MSN: variants seen among roughly 807,000 people sequenced by gnomAD.
MSN encodes epididymis luminal protein 70.
MSN carries 2 observed loss-of-function variants against 48.0 expected under a neutral mutation model. The ratio of observed to expected loss-of-function variants is 0.04; its 90% CI spans 0.02 to 0.13. The LOEUF is 0.13. Among genes scored for constraint, MSN ranks in the 10% least tolerant of loss-of-function variants. The pLI is 1.00. For synonymous variants in MSN, 146 were observed against 166.9 expected (o/e 0.87, Z 0.97); for missense variants, 267 against 470.1 (o/e 0.57, Z 3.99).
At chrX:65,706,000 G>A (rs1261882101) in intron 1 of MSN, among the ~76,000 whole-genome samples, 1 of 111,928 alleles carries the variant, frequency 8.9e-6, no homozygotes, top group Non-Finnish European at 1.9e-5. Context: ...GTCTGGAAGA[G>A]GTCCTAGCAG....
chrX:65,700,041 C>T, intron 1 of MSN, among the ~76,000 whole-genome samples: 2 of 111,634 alleles, frequency 1.8e-5, no homozygotes, highest in Non-Finnish European at 3.8e-5. Flanking sequence ...TTGTAGAGCA[C>T]TGTGCGCATG....
chrX:65,623,370 T>C (rs1448308558), intron 1 of MSN, among the ~76,000 whole-genome samples: 2 of 83,457 alleles, frequency 2.4e-5, no homozygotes, highest in Admixed American at 2.3e-4. Flanking sequence ...TTTCTTTTCT[T>C]TTTTTTTTTT....
intron 1 of MSN, among the ~76,000 whole-genome samples, chrX:65,596,891 T>C (rs2070191415): frequency 9.0e-6 from 1 of 111,375 alleles, no homozygotes. Context: ...CCAGATACTG[T>C]ACTGGGCTTT....
intron 1 of MSN, among the ~76,000 whole-genome samples, chrX:65,595,551 C>G (rs1190944782): frequency 1.8e-5 from 2 of 112,077 alleles, no homozygotes; most frequent in South Asian, 3.7e-4. Context: ...TTGCGCCCCC[C>G]TCTGGCCTCA....
chrX:65,703,489 G>T (rs995637477), intron 1 of MSN, among the ~76,000 whole-genome samples: 9 of 111,280 alleles, frequency 8.1e-5, no homozygotes, highest in Admixed American at 4.8e-4. Context: ...TACTAGATTT[G>T]GTTCTTAGCT....
At chrX:65,617,382 G>C (rs910877727) in intron 1 of MSN, among the ~76,000 whole-genome samples, 1 of 108,717 alleles carries the variant, frequency 9.2e-6, no homozygotes, top group Non-Finnish European at 1.9e-5. Flanking sequence ...CACAATTTCA[G>C]CTCCTGTTAT....
intron 1 of MSN, among the ~76,000 whole-genome samples, chrX:65,668,893 A>G (rs2070901922): frequency 9.0e-6 from 1 of 111,507 alleles, no homozygotes; most frequent in African/African-American, 3.3e-5. Flanking sequence ...AGTGCTCCCA[A>G]ACATGTCTCC....
intron 1 of MSN, among the ~76,000 whole-genome samples, chrX:65,647,212 C>CTT (rs764965063): frequency 8.3e-5 from 8 of 96,576 alleles, no homozygotes; most frequent in East Asian, 3.2e-4. Flanking sequence ...TGCTCTATCT[C>CTT]TTTTTTTTTT....
intron 1 of MSN, among the ~76,000 whole-genome samples, chrX:65,629,569 G>T (rs1322230140): frequency 8.9e-6 from 1 of 111,818 alleles, no homozygotes; most frequent in Non-Finnish European, 1.9e-5. Context: ...AGAGAAAGAG[G>T]TTTAATTGGA....
intron 1 of MSN, among the ~76,000 whole-genome samples, chrX:65,596,716 G>A (rs762018520): frequency 9.3e-6 from 1 of 107,940 alleles, no homozygotes; most frequent in African/African-American, 3.4e-5. Context: ...GGGAATGAGG[G>A]GGGACCTGAA....
intron 1 of MSN, among the ~76,000 whole-genome samples, chrX:65,714,178 G>C (rs747531606): frequency 2.4e-4 from 27 of 111,709 alleles, no homozygotes; most frequent in Non-Finnish European, 4.0e-4. Flanking sequence ...GTTTTTTATG[G>C]CTGCATACTA....
At chrX:65,620,614 T>A (rs998357740) in intron 1 of MSN, among the ~76,000 whole-genome samples, 1 of 112,554 alleles carries the variant, frequency 8.9e-6, no homozygotes, top group Non-Finnish European at 1.9e-5. Context: ...TGTCTGGCAC[T>A]CCCTAGTGAG....
At chrX:65,731,607 G>A (rs1404970631) in intron 5 of MSN, among the ~76,000 whole-genome samples, 2 of 110,561 alleles carry the variant, frequency 1.8e-5, no homozygotes, top group African/African-American at 6.6e-5. Flanking sequence ...GCCAGCAAGG[G>A]TCAGCCCATC....
rs757655124 is a variant in MSN, at chrX:65,683,995, C to T, written c.12+16142C>T. Among the ~76,000 whole-genome samples the T allele has an allele frequency of 1.0e-4, 10 of 99,025 alleles. No homozygotes were observed. In the South Asian group the frequency reaches 2.9e-3, roughly 29 times the overall value. 86.0% of individuals were successfully genotyped at this position (99,025 alleles called of 115,157 possible). On this transcript the variant is annotated intron_variant, in intron 1 of 12. Transcript: ENST00000360270. ...TTGCTCTGTTGCCCAGGCTGGAGTGCAGTGATGCGATCTTGGCTCACTGCA... is the reference window on the plus strand; with the variant it reads ...TTGCTCTGTTGCCCAGGCTGGAGTGTAGTGATGCGATCTTGGCTCACTGCA...
intron 1 of MSN, among the ~76,000 whole-genome samples, chrX:65,654,019 G>A (rs2070762120): frequency 9.2e-6 from 1 of 108,604 alleles, no homozygotes; most frequent in East Asian, 2.9e-4. Context: ...CAGGTGATCC[G>A]CCTGCCTCGG....
intron 1 of MSN, among the ~76,000 whole-genome samples, chrX:65,651,359 A>G (rs1031171856): frequency 1.9e-5 from 2 of 107,451 alleles, no homozygotes; most frequent in East Asian, 5.8e-4. Context: ...TAAAATTAAG[A>G]TATGGATATG....
chrX:65,681,418 C>T (rs1387695878), intron 1 of MSN, among the ~76,000 whole-genome samples: 1 of 111,554 alleles, frequency 9.0e-6, no homozygotes, highest in Non-Finnish European at 1.9e-5. Flanking sequence ...AGCATTTGGT[C>T]AGTAATATAC....
intron 1 of MSN, among the ~76,000 whole-genome samples, chrX:65,622,503 C>T (rs1345091264): frequency 1.0e-5 from 1 of 100,102 alleles, no homozygotes; most frequent in East Asian, 3.1e-4. Context: ...TGAAGCTAGG[C>T]ATCTTTGTTT....
At chrX:65,694,584 C>T (rs1490012222) in intron 1 of MSN, among the ~76,000 whole-genome samples, 1 of 111,808 alleles carries the variant, frequency 8.9e-6, no homozygotes, top group Non-Finnish European at 1.9e-5. Context: ...CCGCCTCAGC[C>T]TCCAAAAGTG....
Sources: allele counts gnomAD v4.1 joint callset (sites outside exome capture counted in the v4.1 genomes callset), GRCh38; gene constraint gnomAD v4.1.1; transcripts MANE v1.5; gene names NCBI Gene and HGNC (gene_info 2026-07-23, HGNC 2026-07-21).